Variants in PCDHGB4 observed in about 807,000 individuals in gnomAD.
PCDHGB4 encodes the protein protocadherin gamma subfamily B, 4, also known as protocadherin gamma-B4.
A neutral mutation model predicts 60.5 loss-of-function variants in PCDHGB4; 38 were observed. The ratio of observed to expected loss-of-function variants is 0.63; its 90% confidence interval spans 0.48 to 0.82. The LOEUF (loss-of-function observed/expected upper bound fraction) is 0.82. PCDHGB4 is among the 40% of genes least tolerant of loss of function. The probability of loss-of-function intolerance (pLI) is 0.00; values close to 1 mark genes in which losing one functional copy is unlikely to be tolerated. For missense variants in PCDHGB4, 1,109 were observed against 1,209.6 expected (o/e 0.92, Z 1.23); for synonymous variants, 456 against 509.7 (o/e 0.89, Z 1.42).
chr5:141,420,488 A>C, intron 1 of PCDHGB4: 1 of 534,916 alleles, frequency 1.9e-6, no homozygotes, highest in East Asian at 3.8e-5. Context: ...CTACATGGGT[A>C]ATCTCCGGTG....
chr5:141,402,854 C>A, intron 1 of PCDHGB4: 2 of 1,423,530 alleles, frequency 1.4e-6, no homozygotes, highest in Non-Finnish European at 1.8e-6. Flanking sequence ...CCTCTTTCTT[C>A]TAAGGAAAAG....
chr5:141,476,986 C>A lies in PCDHGB4; in HGVS notation c.2398-17821C>A. ...CCTTCGGCAGCCACAACCGCGCCGG[C>A]GTGCGGCAACTATTCGCCTTAGACC... On this transcript the variant is annotated intron_variant, in intron 1 of 3. Transcript: ENST00000519479. The surrounding 1 kb of genome is among the most constrained non-coding windows in gnomAD (Gnocchi z 7.6). 6.2e-7 allele frequency: 1 copy of A among 1,614,218 alleles called. No individual in the cohort carries two copies. The highest frequency in any genetic ancestry group is 8.5e-7 in the Non-Finnish European group (1 of 1,180,042).
At chr5:141,433,253 G>C (rs1288721469) in intron 1 of PCDHGB4, 1 of 1,416,466 alleles carries the variant, frequency 7.1e-7, no homozygotes, top group East Asian at 2.3e-5. Flanking sequence ...GAATGCAGCG[G>C]TACGATCATA....
chr5:141,506,380 T>C (rs1209879935), intron 3 of PCDHGB4, among the ~76,000 whole-genome samples: 1 of 141,314 alleles, frequency 7.1e-6, no homozygotes, highest in Non-Finnish European at 1.5e-5. Flanking sequence ...ACCTGGGAGG[T>C]GGCTGTGGTG....
At chr5:141,415,574 A>G (rs1168111069) in intron 1 of PCDHGB4, 3 of 1,614,066 alleles carry the variant, frequency 1.9e-6, no homozygotes, top group Non-Finnish European at 8.5e-7. Flanking sequence ...TTGTTAGATG[A>G]TTCGAAGTTT....
chr5:141,488,633 A>G (rs2099677537), intron 1 of PCDHGB4, among the ~76,000 whole-genome samples: 1 of 152,174 alleles, frequency 6.6e-6, no homozygotes, highest in South Asian at 2.1e-4. Context: ...TCACCTTAGC[A>G]GCATTCAGCA....
At chr5:141,403,209 C>T (rs1247618991) in intron 1 of PCDHGB4, 2 of 1,613,982 alleles carry the variant, frequency 1.2e-6, no homozygotes, top group Admixed American at 1.7e-5. Context: ...ACCTTGGTCA[C>T]CGCGGGTAGG....
rs2099624499 is a variant in PCDHGB4, at chr5:141,486,100, C to A, written c.2398-8707C>A. The A allele has an allele frequency of 6.2e-7, 1 of 1,614,072 alleles. No homozygotes were observed. The highest frequency in any genetic ancestry group is 1.3e-5 in the African/African-American group (1 of 74,930). ...AGCTTACTCTTTTGGGGCCCCTAGA[C>A]TTTGAGAGTGAGAATTACTATGAAT... On this transcript the variant is annotated intron_variant, in intron 1 of 3. Coordinates refer to ENST00000519479, the MANE Select transcript of PCDHGB4 (RefSeq NM_003736.4). This position sits in a 1 kb window ranked among gnomAD's most constrained non-coding sequence, Gnocchi z 5.0.
chr5:141,400,363 T>C (rs1271706599), intron 1 of PCDHGB4: 1 of 1,613,958 alleles, frequency 6.2e-7, no homozygotes, highest in Non-Finnish European at 8.5e-7. Flanking sequence ...GACTTTGCCT[T>C]ATTCCTACAA....
chr5:141,471,006 T>A (rs560578929), intron 1 of PCDHGB4, among the ~76,000 whole-genome samples: 57 of 150,804 alleles, frequency 3.8e-4, no homozygotes, highest in African/African-American at 1.3e-3. Context: ...CATGAGCCAC[T>A]GTGCCTGGTC....
Position 141,490,365 on chromosome 5 carries a change from A to G in PCDHGB4, c.2398-4442A>G. The G allele has an allele frequency of 6.2e-7, 1 of 1,614,170 alleles. No individual in the cohort carries two copies. The highest frequency in any genetic ancestry group is 8.5e-7 in the Non-Finnish European group (1 of 1,180,030). On this transcript the variant is annotated intron_variant, in intron 1 of 3. Coordinates refer to ENST00000519479, the MANE Select transcript of PCDHGB4 (RefSeq NM_003736.4). The surrounding 1 kb of genome is among the most constrained non-coding windows in gnomAD (Gnocchi z 5.4). ...CAGTAGTGGGGTTGTTTAATGTGCG[A>G]GACCGGGACTCAGGTAGAAATGGTG...
chr5:141,389,021 A>G lies in PCDHGB4; in HGVS notation c.1137A>G (p.Glu379=). 1 of 1,614,004 alleles carries G rather than the reference A, an allele frequency of 6.2e-7. No homozygotes were observed. Among genetic ancestry groups the G allele is most frequent in the Non-Finnish European group, 8.5e-7 (1 of 1,179,844 alleles). ...ACAAGGATTCCAGACACAATGGAGA[A>G]GTGACTTGTAAATTGGAAGGTGATG... ...VRDKDSRHNG[E]VTCKLEGDVP... Residue 379 remains glutamate (E), a synonymous_variant, in exon 1 of 4, where the codon GAA becomes GAG. Transcript: ENST00000519479.
At chr5:141,409,172 G>A in intron 1 of PCDHGB4, 8 of 1,614,006 alleles carry the variant, frequency 5.0e-6, no homozygotes, top group Non-Finnish European at 6.8e-6. Context: ...AGCGAAGGAC[G>A]GAGGTGGTCT....
intron 1 of PCDHGB4, chr5:141,393,960 G>T: frequency 6.2e-7 from 1 of 1,613,944 alleles, no homozygotes; most frequent in South Asian, 1.1e-5. Context: ...TGGTCAAGTT[G>T]TCTGTTACAC....
intron 1 of PCDHGB4, among the ~76,000 whole-genome samples, chr5:141,455,860 ATTATTTATTTAT>A (rs145569377): frequency 0.023 from 3,231 of 139,812 alleles, 82 homozygotes; most frequent in African/African-American, 0.066. Context: ...AATTTCTTTT[ATTATTTATTTAT>A]TTATTTATTT....
Position 141,389,664 on chromosome 5 carries a change from G to T in PCDHGB4, c.1780G>T (p.Ala594Ser), listed in dbSNP as rs1182835621. 6.2e-7 allele frequency: 1 copy of T among 1,612,328 alleles called. No individual in the cohort carries two copies. The highest frequency in any genetic ancestry group is 1.3e-5 in the African/African-American group (1 of 75,040). Reference sequence around the variant, plus strand: ...GGTGACCAAGGTAGTGGCGGTGGACGCAGACTCAGGACACAACGCCTGGCT... The same window carrying T: ...GGTGACCAAGGTAGTGGCGGTGGACTCAGACTCAGGACACAACGCCTGGCT... ...YLVTKVVAVD[A>S]DSGHNAWLSY... Residue 594 changes from alanine to serine, a missense_variant, in exon 1 of 4, where the codon GCA (alanine) becomes TCA (serine). Physicochemically the swap from Ala to Ser is moderately conservative, Grantham distance 99 (BLOSUM62 1). This residue lies in a region of PCDHGB4 where 1,068 missense variants were observed against 1,089.9 expected (regional missense o/e 0.98). Coordinates refer to ENST00000519479, the MANE Select transcript of PCDHGB4 (RefSeq NM_003736.4).
intron 1 of PCDHGB4, chr5:141,433,358 CCTAT>C (rs3074541): frequency 0.23 from 113,181 of 502,952 alleles, 11,570 homozygotes; most frequent in Non-Finnish European, 0.24. Flanking sequence ...CTACTGTCTG[CCTAT>C]CTATCTATCT....
At chr5:141,421,000 A>G (rs2096537102) in intron 1 of PCDHGB4, 1 of 507,878 alleles carries the variant, frequency 2.0e-6, no homozygotes, top group East Asian at 3.3e-5. Flanking sequence ...CTGCTCACCA[A>G]TCAGGGAATG....
chr5:141,394,653 C>T lies in PCDHGB4; in HGVS notation c.2397+4372C>T, dbSNP rs545273127. On this transcript the variant is annotated intron_variant, in intron 1 of 3. Coordinates refer to ENST00000519479, the MANE Select transcript of PCDHGB4 (RefSeq NM_003736.4). ...CTACCGCCTGCTCAAGGCCAGCGAG[C>T]CGGGACTCTTCTCGGTGGGTCTGCA... The T allele has an allele frequency of 9.9e-6, 16 of 1,613,348 alleles. No homozygotes were observed. The East Asian group carries it at 3.1e-4, about 31-fold the overall frequency.
Sources: allele counts gnomAD v4.1 joint callset (sites outside exome capture counted in the v4.1 genomes callset), GRCh38; gene constraint gnomAD v4.1.1; regional missense constraint gnomAD v4.1.1; non-coding constraint Gnocchi (gnomAD v3.1); transcripts MANE v1.5; gene names NCBI Gene and HGNC (gene_info 2026-07-23, HGNC 2026-07-21).